KCNJ14: variants seen among roughly 807,000 people sequenced by gnomAD.
KCNJ14 encodes potassium inwardly rectifying channel subfamily J member 14, also known as ATP-sensitive inward rectifier potassium channel 14.
KCNJ14 carries 18 observed loss-of-function variants against 24.5 expected under a neutral mutation model. The observed-to-expected ratio is 0.74, with a 90% CI of 0.51 to 1.09. The LOEUF (loss-of-function observed/expected upper bound fraction) is 1.09. Among genes scored for constraint, KCNJ14 ranks in the 50% least tolerant of loss-of-function variants. The pLI is 0.00. For missense variants in KCNJ14, 633 were observed against 623.0 expected (o/e 1.02, Z -0.17); for synonymous variants, 288 against 270.8 (o/e 1.06, Z -0.63).
chr19:48,459,240 CAAAA>C (rs748195965), intron 1 of KCNJ14, among the ~76,000 whole-genome samples: 3 of 59,182 alleles, frequency 5.1e-5, no homozygotes, highest in Non-Finnish European at 1.1e-4. Flanking sequence ...ACTCCGTCTC[CAAAA>C]AAAAAAAAAA....
chr19:48,458,467 T>C (rs1360717304), intron 1 of KCNJ14, among the ~76,000 whole-genome samples: 1 of 152,240 alleles, frequency 6.6e-6, no homozygotes, highest in African/African-American at 2.4e-5. Flanking sequence ...TATGAGCCAT[T>C]TGTATACCTT....
rs1003431126 is a variant in KCNJ14, at chr19:48,465,779, A to G, written c.*1002A>G. On this transcript the variant is annotated 3_prime_UTR_variant, in exon 3 of 3. Coordinates refer to ENST00000342291, the MANE Select transcript of KCNJ14 (RefSeq NM_013348.4). ...GAGTTGAGAATCTCAATGATTCTAG[A>G]TGACTTCTTGTGGTTCTGTAATGCC... is the stretch of plus-strand genomic sequence containing the variant. 3 of 152,650 alleles carry G rather than the reference A, an allele frequency of 2.0e-5. No individual in the cohort carries two copies. Among genetic ancestry groups the G allele is most frequent in the Non-Finnish European group, 4.4e-5 (3 of 68,052 alleles). 9.5% of individuals were successfully genotyped at this position (152,650 alleles called of 1,614,324 possible). A position where few individuals can be genotyped will look rare whatever the true frequency, so the allele number is the denominator to read the frequency against.
intron 1 of KCNJ14, 81 bp from the exon 2 acceptor site, chr19:48,461,589 A>G: frequency 2.1e-6 from 1 of 471,332 alleles, no homozygotes; most frequent in Non-Finnish European, 3.6e-6. Flanking sequence ...GAGGCCACTA[A>G]GCCCCACCAG....
chr19:48,462,176 G>A lies in KCNJ14; in HGVS notation c.452G>A (p.Gly151Asp), dbSNP rs1437047067. 1.3e-6 allele frequency: 2 copies of A among 1,565,118 alleles called. No homozygotes were observed. Among genetic ancestry groups the A allele is most frequent in the Non-Finnish European group, 1.7e-6 (2 of 1,155,774 alleles). Residue 151 changes from glycine to aspartate, a missense_variant, in exon 2 of 3, where the codon GGC (glycine) becomes GAC (aspartate). Physicochemically the swap from Gly to Asp is moderately conservative, Grantham distance 94. Transcript: ENST00000342291. The surrounding 1 kb of genome is among the most constrained non-coding windows in gnomAD (Gnocchi z 4.9). ...ALETQTSIGY[G>D]VRSVTEECPA... ...GAGACGCAGACGTCCATCGGCTACG[G>A]CGTGCGCAGCGTCACCGAGGAGTGC...
In KCNJ14 at chr19:48,465,398, C is replaced by T. The variant is rs1161061343; in HGVS notation, c.*621C>T. ...TGTGAGTCTAGGTTGACCACAGAGG[C>T]AAGCACTGGTGAGTCTAGGACAGAT... On this transcript the variant is annotated 3_prime_UTR_variant, in exon 3 of 3. Coordinates refer to ENST00000342291, the MANE Select transcript of KCNJ14 (RefSeq NM_013348.4). 6.6e-6 allele frequency: 1 copy of T among 152,380 alleles called. No individual in the cohort carries two copies. The highest frequency in any genetic ancestry group is 1.5e-5 in the Non-Finnish European group (1 of 68,570). 9.4% of individuals were successfully genotyped at this position (152,380 alleles called of 1,614,324 possible).
At chr19:48,458,872 G>A (rs1455028234) in intron 1 of KCNJ14, among the ~76,000 whole-genome samples, 1 of 133,974 alleles carries the variant, frequency 7.5e-6, no homozygotes, top group Non-Finnish European at 1.5e-5. Context: ...GGAGGTGGAG[G>A]TTGCAGTGAG....
chr19:48,456,196 GCCCACCTGC>G (rs1971537968), intron 1 of KCNJ14: 1 of 152,294 alleles, frequency 6.6e-6, no homozygotes, highest in African/African-American at 2.4e-5. Flanking sequence ...CAGTGTCAGT[GCCCACCTGC>G]CCCCCCAGCC....
chr19:48,464,525 T>G lies in KCNJ14; in HGVS notation c.1059T>G (p.Tyr353Ter), dbSNP rs1172018941. ...ACTATCGCCACTTCCATCGCACTTA[T>G]GAGGTCCCAGGGACACCGGTCTGCA... Reference protein sequence around the residue: ...EVDYRHFHRTYEVPGTPVCSA... With the variant: ...EVDYRHFHRT Residue 353 changes from tyrosine (Y) to a stop codon, truncating the protein, a stop_gained, in exon 3 of 3, where the codon TAT becomes TAG. Transcript: ENST00000342291. LOFTEE classifies it high-confidence loss of function. 2 of 1,614,034 alleles carry G rather than the reference T, an allele frequency of 1.2e-6. No homozygotes were observed. Among genetic ancestry groups the G allele is most frequent in the Non-Finnish European group, 1.7e-6 (2 of 1,180,042 alleles).
In KCNJ14 at chr19:48,461,550, A is replaced by AAAAAAAAAAAAG. The variant is rs370425889; in HGVS notation, c.-55-120_-55-119insAAAAAAAAAAAG. 352 of 351,106 alleles carry AAAAAAAAAAAAG rather than the reference A, an allele frequency of 1.0e-3. 19 individuals carry two copies. The highest frequency in any genetic ancestry group is 4.4e-3 in the African/African-American group (145 of 32,670). The allele number at this position is 351,106 out of a possible 1,614,324, so 21.7% of individuals were successfully genotyped here. On this transcript the variant is annotated intron_variant, in intron 1 of 2. Coordinates refer to ENST00000342291, the MANE Select transcript of KCNJ14 (RefSeq NM_013348.4). The stretch of plus-strand genomic sequence containing the variant: ...CTCCAAAAAAAAAAAAAAAAAAAAA[A>AAAAAAAAAAAAG]TGCGTATCGTTCCACCTATTTGACA...
chr19:48,463,964 G>C (rs1412051893), intron 2 of KCNJ14, among the ~76,000 whole-genome samples: 1 of 151,562 alleles, frequency 6.6e-6, no homozygotes, highest in Non-Finnish European at 1.5e-5. Flanking sequence ...TCCCCTCCTG[G>C]GTCTCTGGCT....
At chr19:48,458,868 G>A (rs923639573) in intron 1 of KCNJ14, among the ~76,000 whole-genome samples, 9 of 150,588 alleles carry the variant, frequency 6.0e-5, no homozygotes, top group African/African-American at 2.2e-4. Context: ...CCCAGGAGGT[G>A]GAGGTTGCAG....
rs1401192148 is a variant in KCNJ14 at position 48,462,813 on chromosome 19, AG to A, written c.714+380del. 6.6e-6 allele frequency among the ~76,000 whole-genome samples: 1 copy of A among 152,054 alleles called. No homozygotes were observed. The highest frequency in any genetic ancestry group is 1.5e-5 in the Non-Finnish European group (1 of 67,974). ...GGGTGGCCTCAGATGCAGCTTTGCG[AG>A]GGGGTGGTGGAGGGCCTGCGTGACC... On this transcript the variant is annotated intron_variant, in intron 2 of 2. Transcript: ENST00000342291. This position sits in a 1 kb window ranked among gnomAD's most constrained non-coding sequence, Gnocchi z 4.9.
rs3826826 is a variant in KCNJ14, at chr19:48,465,192, C to T, written c.*415C>T. ...TCAAGAGTTTGTAGGTCTGGATTCACCTAAGATTCAAGGGAGTGTTGCTTC... is the reference window on the plus strand; with the variant it reads ...TCAAGAGTTTGTAGGTCTGGATTCATCTAAGATTCAAGGGAGTGTTGCTTC... On this transcript the variant is annotated 3_prime_UTR_variant, in exon 3 of 3. Transcript: ENST00000342291. The T allele has an allele frequency of 1.1e-5, 2 of 179,562 alleles. No individual in the cohort carries two copies. Among genetic ancestry groups the T allele is most frequent in the East Asian group, 2.7e-4 (2 of 7,530 alleles). The allele number at this position is 179,562 out of a possible 1,614,324, so 11.1% of individuals were successfully genotyped here.
At chr19:48,460,747 A>G (rs1971586076) in intron 1 of KCNJ14, among the ~76,000 whole-genome samples, 1 of 152,240 alleles carries the variant, frequency 6.6e-6, no homozygotes, top group Non-Finnish European at 1.5e-5. Context: ...CACTGTATAA[A>G]TGCATGCTGT....
rs1222369773 is a variant in KCNJ14, at chr19:48,461,933, G to A, written c.209G>A (p.Gly70Asp). The A allele has an allele frequency of 1.2e-6, 2 of 1,611,672 alleles. No homozygotes were observed. Among genetic ancestry groups the A allele is most frequent in the Non-Finnish European group, 1.7e-6 (2 of 1,178,958 alleles). The change falls in exon 2 of 3, where the codon GGC becomes GAC. Residue 70 changes from glycine to aspartate, a missense_variant. Transcript: ENST00000342291. ...NVRFVNLGGQ[G>D]ARYLSDLFTT... The stretch of plus-strand genomic sequence containing the variant: ...CGTTTCGTAAACCTGGGTGGCCAGG[G>A]CGCGCGCTACCTGAGCGACCTGTTC...
intron 1 of KCNJ14, among the ~76,000 whole-genome samples, chr19:48,457,286 C>T (rs1323967129): frequency 6.6e-6 from 1 of 152,174 alleles, no homozygotes; most frequent in African/African-American, 2.4e-5. Flanking sequence ...CCCAGGCCTC[C>T]TGCCTTTCAC....
chr19:48,459,352 G>A (rs891031105), intron 1 of KCNJ14, among the ~76,000 whole-genome samples: 8 of 151,326 alleles, frequency 5.3e-5, no homozygotes, highest in African/African-American at 1.9e-4. Context: ...TATATGATTT[G>A]CAACTACAGT....
intron 1 of KCNJ14, among the ~76,000 whole-genome samples, chr19:48,461,049 G>A (rs1436930273): frequency 3.9e-5 from 6 of 152,064 alleles, no homozygotes; most frequent in Admixed American, 2.6e-4. Context: ...GGCCAGGCGC[G>A]GTGGCTCACG....
In KCNJ14 at chr19:48,462,055, A is replaced by T. The variant is rs763714835; in HGVS notation, c.331A>T (p.Ile111Phe). 3 of 1,610,380 alleles carry T rather than the reference A, an allele frequency of 1.9e-6. No homozygotes were observed. The highest frequency in any genetic ancestry group is 2.5e-6 in the Non-Finnish European group (3 of 1,179,548). ...GCTCTTCGGCCTGGCCTTCTGGCTC[A>T]TTGCCTCGCTGCACGGCGACCTGGC... is the stretch of plus-strand genomic sequence containing the variant. ...WLLFGLAFWL[I>F]ASLHGDLAAP... The change falls in exon 2 of 3, where the codon ATT (isoleucine) becomes TTT (phenylalanine). Residue 111 changes from isoleucine to phenylalanine, a missense_variant. Coordinates refer to ENST00000342291, the MANE Select transcript of KCNJ14 (RefSeq NM_013348.4). The surrounding 1 kb of genome is among the most constrained non-coding windows in gnomAD (Gnocchi z 4.9).
Sources: allele counts gnomAD v4.1 joint callset (sites outside exome capture counted in the v4.1 genomes callset), GRCh38; gene constraint gnomAD v4.1.1; non-coding constraint Gnocchi (gnomAD v3.1); transcripts MANE v1.5; gene names NCBI Gene and HGNC (gene_info 2026-07-23, HGNC 2026-07-21).